PDLIM5: variants seen among roughly 807,000 people sequenced by gnomAD.
The protein encoded by PDLIM5 is PDZ and LIM domain 5.
PDLIM5 carries 34 observed loss-of-function variants against 64.2 expected under a neutral mutation model. The observed-to-expected ratio is 0.53, with a 90% confidence interval of 0.40 to 0.71. The LOEUF (loss-of-function observed/expected upper bound fraction) is 0.71, where lower values mean the gene tolerates loss of function less well. Among genes scored for constraint, PDLIM5 ranks in the 30% least tolerant of loss-of-function variants. PDLIM5 has a pLI of 0.00. For missense variants in PDLIM5, 683 were observed against 733.6 expected (o/e 0.93, Z 0.80); for synonymous variants, 253 against 269.1 (o/e 0.94, Z 0.59).
intron 7 of PDLIM5, among the ~76,000 whole-genome samples, chr4:94,612,329 A>G (rs1738437554): frequency 1.3e-5 from 2 of 152,140 alleles, no homozygotes; most frequent in Admixed American, 1.3e-4. Flanking sequence ...ATCATAGTAC[A>G]TTTTTCTCTA....
At chr4:94,462,366 C>CT (rs573875735) in intron 2 of PDLIM5, among the ~76,000 whole-genome samples, 26 of 148,260 alleles carry the variant, frequency 1.8e-4, no homozygotes, top group South Asian at 8.5e-4. Flanking sequence ...AATAGAAATA[C>CT]TTTTTTTTTT....
chr4:94,554,275 C>T (rs1181860978), intron 3 of PDLIM5, among the ~76,000 whole-genome samples: 1 of 152,142 alleles, frequency 6.6e-6, no homozygotes, highest in Non-Finnish European at 1.5e-5. Flanking sequence ...CTTTTAAAAA[C>T]ATTTATCTTT....
intron 3 of PDLIM5, among the ~76,000 whole-genome samples, chr4:94,566,813 A>G (rs1324502313): frequency 6.6e-6 from 1 of 152,214 alleles, no homozygotes; most frequent in Non-Finnish European, 1.5e-5. Flanking sequence ...GTGCTTGCTG[A>G]TACTACTATT....
At chr4:94,582,118 A>T (rs564272507) in intron 5 of PDLIM5, among the ~76,000 whole-genome samples, 3 of 152,310 alleles carry the variant, frequency 2.0e-5, no homozygotes, top group South Asian at 4.1e-4. Context: ...GAAACAAGAA[A>T]AATTTCAAAT....
At chr4:94,473,835 G>A (rs555770945) in intron 2 of PDLIM5, among the ~76,000 whole-genome samples, 145 of 152,258 alleles carry the variant, frequency 9.5e-4, no homozygotes, top group Non-Finnish European at 1.8e-3. Flanking sequence ...TCTTGGTACT[G>A]TTGTTTGATA....
intron 7 of PDLIM5, among the ~76,000 whole-genome samples, chr4:94,617,644 CAA>C (rs61055444): frequency 1.1e-4 from 7 of 66,590 alleles, no homozygotes; most frequent in Admixed American, 1.0e-3. Context: ...CCTGTGTCTA[CAA>C]AAAAAAAAAA....
intron 2 of PDLIM5, chr4:94,457,239 T>C (rs988799699): frequency 7.8e-5 from 62 of 791,446 alleles, no homozygotes; most frequent in Non-Finnish European, 8.9e-5. Flanking sequence ...TAAAGTTATC[T>C]TTAATTTATC....
At chr4:94,619,469 T>A (rs1301992643) in intron 8 of PDLIM5, among the ~76,000 whole-genome samples, 1 of 151,906 alleles carries the variant, frequency 6.6e-6, no homozygotes, top group African/African-American at 2.4e-5. Flanking sequence ...TGAAACCCTG[T>A]CTCTACTAAA....
chr4:94,654,538 C>G lies in PDLIM5; in HGVS notation c.1362C>G (p.Ala454=), dbSNP rs1002930873. ...GCGCTCACTGCAAAAATACAATGGC[C>G]TACATTGGATTTGTAGAGGAGAAAG... The part of the protein sequence containing the change: ...FNCAHCKNTM[A]YIGFVEEKGA... The change falls in exon 10 of 13, where the codon GCC becomes GCG. Residue 454 remains alanine, a synonymous_variant. Coordinates refer to ENST00000317968, the MANE Select transcript of PDLIM5 (RefSeq NM_006457.5). 1.2e-6 allele frequency: 2 copies of G among 1,609,960 alleles called. No individual in the cohort carries two copies. The highest frequency in any genetic ancestry group is 2.7e-5 in the African/African-American group (2 of 74,810).
At chr4:94,508,221 A>G (rs1396315748) in intron 2 of PDLIM5, among the ~76,000 whole-genome samples, 1 of 152,196 alleles carries the variant, frequency 6.6e-6, no homozygotes, top group Non-Finnish European at 1.5e-5. Flanking sequence ...AGTTAAATCA[A>G]TGCTGTGTGA....
intron 3 of PDLIM5, among the ~76,000 whole-genome samples, chr4:94,551,059 A>C (rs1732762932): frequency 6.6e-6 from 1 of 152,160 alleles, no homozygotes; most frequent in Non-Finnish European, 1.5e-5. Context: ...TTGAAGAACA[A>C]GATGAAAGGA....
intron 3 of PDLIM5, among the ~76,000 whole-genome samples, chr4:94,534,894 A>G (rs1033467416): frequency 1.3e-5 from 2 of 152,220 alleles, no homozygotes; most frequent in Non-Finnish European, 2.9e-5. Flanking sequence ...TCATATTCAG[A>G]TGGAGGAATA....
intron 2 of PDLIM5, among the ~76,000 whole-genome samples, chr4:94,516,055 T>G (rs1276855692): frequency 6.6e-6 from 1 of 152,232 alleles, no homozygotes; most frequent in African/African-American, 2.4e-5. Flanking sequence ...TCACAGTTGA[T>G]GAAGACATGT....
At chr4:94,527,204 G>A (rs1161023497) in intron 3 of PDLIM5, among the ~76,000 whole-genome samples, 6 of 151,578 alleles carry the variant, frequency 4.0e-5, no homozygotes, top group African/African-American at 1.5e-4. Flanking sequence ...CTAAAGGCAC[G>A]CATCACCACG....
intron 3 of PDLIM5, among the ~76,000 whole-genome samples, chr4:94,541,601 G>GTTTAAAT (rs1731812482): frequency 6.6e-6 from 1 of 152,278 alleles, no homozygotes; most frequent in African/African-American, 2.4e-5. Flanking sequence ...ACATCCCCAG[G>GTTTAAAT]TTTAAATTTT....
At position 94,622,252 on chromosome 4, in the gene PDLIM5, C is replaced by T. The variant is rs536624608; in HGVS notation, c.1108+4061C>T. ...AGTCTTTTGATTTAGAAGGTGATAG[C>T]GGATTCATCATGTGTTTATGCGTTC... On this transcript the variant is annotated intron_variant, in intron 8 of 12. Transcript: ENST00000317968. 3.2e-4 allele frequency among the ~76,000 whole-genome samples: 49 copies of T among 152,186 alleles called. No individual in the cohort carries two copies. The South Asian group carries it at 4.2e-3, about 13-fold the overall frequency.
intron 10 of PDLIM5, 42 bp from the exon 11 acceptor site, chr4:94,657,385 T>G: frequency 7.1e-7 from 1 of 1,403,444 alleles, no homozygotes; most frequent in Non-Finnish European, 1.0e-6. Flanking sequence ...ATGTATTTAT[T>G]GTCATCTTCT....
At chr4:94,617,073 T>C (rs1396705683) in intron 7 of PDLIM5, among the ~76,000 whole-genome samples, 2 of 152,226 alleles carry the variant, frequency 1.3e-5, no homozygotes, top group Non-Finnish European at 2.9e-5. Flanking sequence ...CATGTGCCAC[T>C]GCACCCAGCC....
chr4:94,588,006 A>G (rs1736379314), intron 7 of PDLIM5: 2 of 967,896 alleles, frequency 2.1e-6, no homozygotes, highest in South Asian at 4.8e-5. Context: ...CATGGAAGCT[A>G]AATATATGAC....
Sources: gnomAD v4.1 joint callset for allele counts (sites outside exome capture counted in the v4.1 genomes callset) on GRCh38, gnomAD v4.1.1 for gene constraint, MANE v1.5 for transcripts, NCBI Gene and HGNC (gene_info 2026-07-23, HGNC 2026-07-21) for gene names.